Variants in TPO observed in about 807,000 individuals in gnomAD.
TPO encodes thyroid peroxidase.
Under a neutral mutation model 96.9 loss-of-function variants are expected in TPO, and 78 were observed. The observed-to-expected ratio is 0.81, with a 90% CI of 0.67 to 0.97. TPO has a LOEUF of 0.97. Ranked by LOEUF, TPO falls within the 50% of genes least tolerant of loss-of-function variation. TPO has a pLI of 0.00. For synonymous variants in TPO, 547 were observed against 538.0 expected (o/e 1.02, Z -0.23); for missense variants, 1,252 against 1,274.8 (o/e 0.98, Z 0.27).
At chr2:1,535,267 A>AT (rs1410193888) in intron 15 of TPO, among the ~76,000 whole-genome samples, 1 of 134,644 alleles carries the variant, frequency 7.4e-6, no homozygotes, top group East Asian at 2.7e-4. Context: ...ACCTCCCAAA[A>AT]TCCCCCATAC....
chr2:1,508,596 T>A (rs1673733490), intron 14 of TPO, among the ~76,000 whole-genome samples: 1 of 152,220 alleles, frequency 6.6e-6, no homozygotes, highest in Admixed American at 6.5e-5. Context: ...ATTCAACTTC[T>A]TCCTGGTTTA....
At chr2:1,449,042 A>G (rs1220510453) in intron 5 of TPO, among the ~76,000 whole-genome samples, 4 of 152,196 alleles carry the variant, frequency 2.6e-5, no homozygotes, top group African/African-American at 9.6e-5. Context: ...ATTCTGCACT[A>G]AGCCTCTTTC....
intron 4 of TPO, 42 bp downstream of exon 4, chr2:1,433,649 G>T (rs188540791): frequency 6.3e-7 from 1 of 1,596,264 alleles, no homozygotes; most frequent in Non-Finnish European, 8.5e-7. Context: ...GGCAACTCCC[G>T]AAGGAGGACA....
intron 15 of TPO, among the ~76,000 whole-genome samples, chr2:1,522,545 A>G (rs903174030): frequency 6.8e-6 from 1 of 146,252 alleles, no homozygotes; most frequent in Non-Finnish European, 1.5e-5. Flanking sequence ...CCCCCAGACC[A>G]TCTACCTCAC....
At chr2:1,397,237 CT>C (rs1379180181) in intron 1 of TPO, among the ~76,000 whole-genome samples, 1 of 152,208 alleles carries the variant, frequency 6.6e-6, no homozygotes, top group Admixed American at 6.5e-5. Flanking sequence ...AGTATCTTGT[CT>C]CTGCAAATTC....
intron 9 of TPO, 46 bp from the exon 10 acceptor site, chr2:1,487,775 G>C (rs1018746924): frequency 1.7e-5 from 28 of 1,612,142 alleles, no homozygotes; most frequent in Non-Finnish European, 2.1e-5. Context: ...TGTTTCTCTA[G>C]AACTGAGCCA....
At chr2:1,423,395 C>T (rs1028445818) in intron 3 of TPO, among the ~76,000 whole-genome samples, 4 of 152,138 alleles carry the variant, frequency 2.6e-5, no homozygotes, top group African/African-American at 9.7e-5. Context: ...TAGAGGCTGA[C>T]GTCCTGATAG....
At chr2:1,482,397 TG>T (rs899533462) in intron 8 of TPO, among the ~76,000 whole-genome samples, 4 of 152,118 alleles carry the variant, frequency 2.6e-5, no homozygotes, top group African/African-American at 7.2e-5. Flanking sequence ...ACCAGGAGGC[TG>T]GGGTGAGAGC....
chr2:1,514,096 C>T (rs1674439318), intron 14 of TPO, among the ~76,000 whole-genome samples: 1 of 152,174 alleles, frequency 6.6e-6, no homozygotes, highest in Non-Finnish European at 1.5e-5. Flanking sequence ...TGTCTGCAAA[C>T]TGGAGCCCCA....
chr2:1,397,334 T>C (rs950418200), intron 1 of TPO, among the ~76,000 whole-genome samples: 4 of 152,202 alleles, frequency 2.6e-5, no homozygotes, highest in Admixed American at 1.3e-4. Context: ...ATCTGAAACA[T>C]AGGGCATGAC....
intron 5 of TPO, chr2:1,439,344 T>G (rs1482172113): frequency 6.5e-6 from 1 of 154,298 alleles, no homozygotes; most frequent in Non-Finnish European, 1.4e-5. Flanking sequence ...ATCTAAAATC[T>G]CCTACGTTCA....
intron 2 of TPO, among the ~76,000 whole-genome samples, chr2:1,422,348 C>CAGACGCCGCGCTGGACAGACT (rs1663740208): frequency 1.0e-5 from 1 of 98,120 alleles, no homozygotes; most frequent in Admixed American, 9.8e-5. Flanking sequence ...CTGGACCGAC[C>CAGACGCCGCGCTGGACAGACT]TCGTGCAGGC....
intron 7 of TPO, among the ~76,000 whole-genome samples, chr2:1,457,539 T>C (rs112476490): frequency 7.6e-6 from 1 of 131,514 alleles, no homozygotes; most frequent in Non-Finnish European, 1.6e-5. Context: ...ATATAGCATG[T>C]ATGATCGTGT....
chr2:1,475,580 C>T (rs1243632752), intron 7 of TPO, among the ~76,000 whole-genome samples: 4 of 152,094 alleles, frequency 2.6e-5, no homozygotes, highest in Admixed American at 6.5e-5. Context: ...CCCGCCACCG[C>T]GCCCGGCTAA....
At chr2:1,484,914 T>A in intron 9 of TPO, 60 bp downstream of exon 9, 1 of 1,597,410 alleles carries the variant, frequency 6.3e-7, no homozygotes, top group East Asian at 2.3e-5. Flanking sequence ...TTTTTAATTT[T>A]TTTAAATTAT....
chr2:1,480,815 A>T (rs201801197), intron 8 of TPO, among the ~76,000 whole-genome samples: 1 of 150,794 alleles, frequency 6.6e-6, no homozygotes, highest in East Asian at 2.0e-4. Context: ...GCATCCGTCC[A>T]CACCACGTCC....
chr2:1,390,798 C>T (rs542410300), intron 1 of TPO, among the ~76,000 whole-genome samples: 6 of 152,278 alleles, frequency 3.9e-5, no homozygotes, highest in African/African-American at 1.4e-4. Context: ...CAATGAGCAT[C>T]TTTTCATGTG....
At chr2:1,490,685 G>T (rs181797938) in intron 10 of TPO, among the ~76,000 whole-genome samples, 1 of 152,282 alleles carries the variant, frequency 6.6e-6, no homozygotes, top group African/African-American at 2.4e-5. Flanking sequence ...GCAACTGGAG[G>T]CATCGATGCA....
intron 14 of TPO, chr2:1,512,435 C>CCCGGA: frequency 1.0e-6 from 1 of 985,482 alleles, no homozygotes; most frequent in Non-Finnish European, 1.2e-6. Flanking sequence ...CTGAGCCCGG[C>CCCGGA]CCGGACCAGC....
Sources: allele counts gnomAD v4.1 joint callset (sites outside exome capture counted in the v4.1 genomes callset), GRCh38; gene constraint gnomAD v4.1.1; transcripts MANE v1.5; gene names NCBI Gene and HGNC (gene_info 2026-07-23, HGNC 2026-07-21).